Variants in MGAT5 observed in about 807,000 individuals in gnomAD.
MGAT5 encodes the protein alpha-1,6-mannosylglycoprotein 6-beta-N-acetylglucosaminyltransferase.
In MGAT5, 30 loss-of-function variants were observed where a neutral mutation model predicts 94.3. The observed-to-expected ratio is 0.32, with a 90% CI of 0.24 to 0.43. MGAT5 has a LOEUF of 0.43. MGAT5 is among the 20% of genes least tolerant of loss of function. The pLI, the probability that MGAT5 is intolerant of heterozygous loss-of-function variation, is 1.00. For missense variants in MGAT5, 691 were observed against 905.5 expected, an observed-to-expected ratio of 0.76 and a Z score of 3.04; for synonymous variants, 310 against 322.9, an observed-to-expected ratio of 0.96 and a Z score of 0.43.
chr2:134,377,734 A>C (rs1313141872), intron 10 of MGAT5, among the ~76,000 whole-genome samples: 1 of 152,176 alleles, frequency 6.6e-6, no homozygotes, highest in Non-Finnish European at 1.5e-5. Flanking sequence ...TTGGTCTTTC[A>C]AAGGACTCCC....
chr2:134,246,029 T>G (rs202049009), intron 1 of MGAT5, among the ~76,000 whole-genome samples: 3 of 152,164 alleles, frequency 2.0e-5, no homozygotes, highest in Non-Finnish European at 2.9e-5. Context: ...AACCCAGATA[T>G]TCAAAGAGTA....
At chr2:134,290,582 A>G (rs1039625724) in intron 2 of MGAT5, among the ~76,000 whole-genome samples, 2 of 152,104 alleles carry the variant, frequency 1.3e-5, no homozygotes, top group Non-Finnish European at 2.9e-5. Flanking sequence ...ATCATCCTTC[A>G]TTTCTGTGTT....
At chr2:134,140,979 A>G (rs1338747779) in intron 1 of MGAT5, among the ~76,000 whole-genome samples, 1 of 152,222 alleles carries the variant, frequency 6.6e-6, no homozygotes, top group Non-Finnish European at 1.5e-5. Flanking sequence ...AAATGTTGTG[A>G]TTTAACTGCC....
chr2:134,366,868 T>C (rs1403378547), intron 10 of MGAT5, among the ~76,000 whole-genome samples: 1 of 152,252 alleles, frequency 6.6e-6, no homozygotes, highest in Non-Finnish European at 1.5e-5. Flanking sequence ...TATCTTTGTC[T>C]TCCTGCTGCT....
chr2:134,150,898 T>C (rs1167902276), intron 1 of MGAT5, among the ~76,000 whole-genome samples: 1 of 152,206 alleles, frequency 6.6e-6, no homozygotes, highest in African/African-American at 2.4e-5. Flanking sequence ...TCCCATTGTT[T>C]GGATCTCTGT....
At chr2:134,192,738 G>A (rs929459328) in intron 1 of MGAT5, among the ~76,000 whole-genome samples, 1 of 151,678 alleles carries the variant, frequency 6.6e-6, no homozygotes, top group African/African-American at 2.4e-5. Flanking sequence ...CTAGTACTGT[G>A]GGATTATTTA....
chr2:134,297,196 CA>C (rs143685303), intron 2 of MGAT5, among the ~76,000 whole-genome samples: 47,015 of 100,064 alleles, frequency 0.47, 8,211 homozygotes, highest in East Asian at 0.64. Flanking sequence ...GACCTGGTCT[CA>C]AAAAAAAAAA....
intron 1 of MGAT5, among the ~76,000 whole-genome samples, chr2:134,193,678 TGTGTGTGTGTGTG>T (rs1679350396): frequency 3.9e-5 from 1 of 25,558 alleles, no homozygotes; most frequent in East Asian, 1.4e-3. Context: ...CAAATCTTTG[TGTGTGTGTGTGTG>T]TGTGTGTGTG....
At chr2:134,440,436 C>G (rs1685420503) in intron 14 of MGAT5, among the ~76,000 whole-genome samples, 1 of 152,134 alleles carries the variant, frequency 6.6e-6, no homozygotes, top group Non-Finnish European at 1.5e-5. Context: ...CATTCCAAAG[C>G]TGGGCACCTG....
intron 2 of MGAT5, among the ~76,000 whole-genome samples, chr2:134,307,236 GA>G (rs1300404389): frequency 3.3e-5 from 5 of 152,044 alleles, no homozygotes; most frequent in African/African-American, 9.7e-5. Context: ...AATTTGTTCT[GA>G]AGACCTTGTG....
rs372641824 is a variant in MGAT5, at chr2:134,146,048, T to G, written c.-143+25757T>G. Among the ~76,000 whole-genome samples the G allele has an allele frequency of 3.7e-4, 56 of 152,350 alleles. No individual in the cohort carries two copies. The East Asian group carries it at 8.3e-3, about 23-fold the overall frequency. On this transcript the variant is annotated intron_variant, in intron 1 of 16. Transcript: ENST00000409645. ...CTCTCATGAGTTCTTTACTCCAGTC[T>G]TTATTCTGCTTTAAGGAGAGTTTTG...
chr2:134,216,947 A>G (rs887106458), intron 1 of MGAT5, among the ~76,000 whole-genome samples: 4 of 152,172 alleles, frequency 2.6e-5, no homozygotes, highest in Non-Finnish European at 5.9e-5. Flanking sequence ...AAATAAAGCC[A>G]TGATGGGCTT....
In MGAT5 at chr2:134,152,310, A is replaced by ACCACTATGGAAAC. The variant is rs541206999; in HGVS notation, c.-143+32019_-143+32020insCCACTATGGAAAC. ...CTGCTTACCACCATGGGACCCGCTTATCACTCACGCCCTATGGGACCCGCC... is the reference window on the plus strand; with the variant it reads ...CTGCTTACCACCATGGGACCCGCTTACCACTATGGAAACTCACTCACGCCCTATGGGACCCGCC... On this transcript the variant is annotated intron_variant, in intron 1 of 16. Coordinates refer to the MGAT5 transcript ENST00000409645. 2.8e-3 allele frequency among the ~76,000 whole-genome samples: 245 copies of ACCACTATGGAAAC among 88,050 alleles called. 15 individuals are homozygous for ACCACTATGGAAAC. Among genetic ancestry groups the ACCACTATGGAAAC allele is most frequent in the African/African-American group, 8.9e-3 (220 of 24,702 alleles). 57.8% of individuals were successfully genotyped at this position (88,050 alleles called of 152,430 possible). A position where few individuals can be genotyped will look rare whatever the true frequency, so the allele number is the denominator to read the frequency against.
chr2:134,368,289 A>T (rs1680560630), intron 10 of MGAT5, among the ~76,000 whole-genome samples: 1 of 152,218 alleles, frequency 6.6e-6, no homozygotes, highest in Non-Finnish European at 1.5e-5. Flanking sequence ...CCACCGCAGG[A>T]TCGCCAAGTC....
chr2:134,248,703 TGGC>T (rs1369644537), intron 1 of MGAT5, among the ~76,000 whole-genome samples: 5 of 142,150 alleles, frequency 3.5e-5, no homozygotes, highest in Non-Finnish European at 6.2e-5. Flanking sequence ...TGTGTGAATG[TGGC>T]GCATGGGATG....
intron 1 of MGAT5, among the ~76,000 whole-genome samples, chr2:134,161,733 AG>A (rs1687743192): frequency 6.6e-6 from 1 of 152,094 alleles, no homozygotes; most frequent in African/African-American, 2.4e-5. Flanking sequence ...TTTTTCTCTC[AG>A]CACTTCCGGC....
chr2:134,350,795 A>G (rs1294376534), intron 9 of MGAT5, among the ~76,000 whole-genome samples: 1 of 152,200 alleles, frequency 6.6e-6, no homozygotes, highest in Non-Finnish European at 1.5e-5. Flanking sequence ...GTGAAAGGCC[A>G]CATGAGATAA....
chr2:134,265,240 C>T (rs1051555364), intron 1 of MGAT5, among the ~76,000 whole-genome samples: 13 of 152,134 alleles, frequency 8.5e-5, no homozygotes, highest in African/African-American at 3.1e-4. Flanking sequence ...GAAGGTTTAC[C>T]ACCCAGTCTC....
At chr2:134,393,299 G>C (rs891191890) in intron 10 of MGAT5, among the ~76,000 whole-genome samples, 1 of 152,154 alleles carries the variant, frequency 6.6e-6, no homozygotes, top group Non-Finnish European at 1.5e-5. Context: ...CCTCAGATCA[G>C]TGTGGGAGGG....
Sources: allele counts gnomAD v4.1 joint callset (sites outside exome capture counted in the v4.1 genomes callset), GRCh38; gene constraint gnomAD v4.1.1; transcripts MANE v1.5; gene names NCBI Gene and HGNC (gene_info 2026-07-23, HGNC 2026-07-21).